Variants in OR4Q3 observed in about 807,000 individuals in gnomAD.
OR4Q3 encodes olfactory receptor family 4 subfamily Q member 3.
Under a neutral mutation model 18.8 loss-of-function variants are expected in OR4Q3, and 17 were observed. That is an observed-to-expected ratio of 0.91 (90% confidence interval 0.62 to 1.36). OR4Q3 has a LOEUF of 1.36. OR4Q3 is among the 40% of genes most tolerant of loss of function. The probability of loss-of-function intolerance (pLI) is 0.00; values close to 1 mark genes in which losing one functional copy is unlikely to be tolerated. For missense variants in OR4Q3, 378 were observed against 373.4 expected (o/e 1.01, Z -0.10); for synonymous variants, 158 against 145.8 (o/e 1.08, Z -0.60).
downstream of OR4Q3, among the ~76,000 whole-genome samples, chr14:19,749,900 TTCTTTCTTTTTTCTTTCTTTCTTTCTC>T: frequency 0.016 from 166 of 10,284 alleles, 6 homozygotes; most frequent in Admixed American, 0.14. Context: ...CTTTCTTTCT[TTCTTTCTTTTTTCTTTCTTTCTTTCTC>T]TCTCTCTTTC....
At chr14:19,747,278 C>T in intron 1 of OR4Q3, 128 bp from the exon 2 acceptor site, 1 of 439,108 alleles carries the variant, frequency 2.3e-6, no homozygotes, top group East Asian at 3.5e-5. Context: ...GAGTGTACTG[C>T]CTATATTACC....
intron 1 of OR4Q3, among the ~76,000 whole-genome samples, chr14:19,745,255 G>A: frequency 1.3e-5 from 2 of 152,092 alleles, no homozygotes; most frequent in Non-Finnish European, 2.9e-5. Context: ...AAACAAGTAG[G>A]CAATAAACTC....
chr14:19,744,381 A>T (rs4360843), intron 1 of OR4Q3, among the ~76,000 whole-genome samples: 18,634 of 149,360 alleles, frequency 0.12, 530 homozygotes, highest in South Asian at 0.23. Context: ...TAATAGCAAA[A>T]TATGGTATAC....
chr14:19,743,739 TTA>T (rs1173703111), intron 1 of OR4Q3, 68 bp downstream of exon 1: 1 of 152,296 alleles, frequency 6.6e-6, no homozygotes, highest in African/African-American at 2.4e-5. Context: ...GATGCTATTT[TTA>T]TGTTTACTGT....
chr14:19,749,143 A>T, exon 2 of OR4Q3: 1 of 152,290 alleles, frequency 6.6e-6, no homozygotes, highest in African/African-American at 2.4e-5. Context: ...TAAGAGTTTT[A>T]ACCTCTAAAG....
chr14:19,747,835 CATGAACCCCCAGCT>C lies in OR4Q3; in HGVS notation c.436_449del (p.Asn146ProfsTer32). 2,860 of 1,613,708 alleles carry C rather than the reference CATGAACCCCCAGCT, an allele frequency of 1.8e-3. 42 individuals carry two copies. In the African/African-American group the frequency reaches 0.034, roughly 19 times the overall value. On this transcript the variant is annotated frameshift_variant, in exon 2 of 2. Transcript: ENST00000642117. LOFTEE classifies it high-confidence loss of function. The stretch of plus-strand genomic sequence containing the variant: ...GTAACCCTTTGCGCTACCTTACAGT[CATGAACCCCCAGCT>C]ATGCCTTTGGTTGGTTCTTGCCTGC...
At chr14:19,745,384 T>A in intron 1 of OR4Q3, among the ~76,000 whole-genome samples, 2 of 152,202 alleles carry the variant, frequency 1.3e-5, no homozygotes, top group Non-Finnish European at 2.9e-5. Context: ...TATAATCTTT[T>A]CTTTCTCAGC....
chr14:19,746,639 C>T, intron 1 of OR4Q3, among the ~76,000 whole-genome samples: 2 of 152,174 alleles, frequency 1.3e-5, no homozygotes, highest in Non-Finnish European at 1.5e-5. Context: ...GAGACTATTG[C>T]TTCTTACCTC....
At chr14:19,748,011 TGGTAGA>T in exon 2 of OR4Q3, 1 of 1,614,062 alleles carries the variant, frequency 6.2e-7, no homozygotes, top group East Asian at 2.2e-5. Flanking sequence ...GACACCTATG[TGGTAGA>T]GGTGCTGGTG....
chr14:19,746,542 C>G, intron 1 of OR4Q3, among the ~76,000 whole-genome samples: 1 of 152,142 alleles, frequency 6.6e-6, no homozygotes, highest in South Asian at 2.1e-4. Context: ...TGGGTCATGG[C>G]TCTTGGTCTC....
exon 2 of OR4Q3, chr14:19,749,290 G>A: frequency 1.3e-5 from 2 of 152,240 alleles, no homozygotes; most frequent in Non-Finnish European, 2.9e-5. Context: ...AGAGTTAAGT[G>A]ACTTGCCCAT....
chr14:19,749,853 T>TCTTTCTTTCTTC, downstream of OR4Q3, among the ~76,000 whole-genome samples: 1 of 4,200 alleles, frequency 2.4e-4, no homozygotes, highest in African/African-American at 3.9e-4. Context: ...ATTACTTCTT[T>TCTTTCTTTCTTC]CTTTCTTTCT....
exon 2 of OR4Q3, chr14:19,748,385 G>T: frequency 6.4e-7 from 1 of 1,561,580 alleles, no homozygotes; most frequent in South Asian, 1.2e-5. Flanking sequence ...GAGCAGAAGA[G>T]GTGATTTGAA....
At chr14:19,746,409 T>C in intron 1 of OR4Q3, among the ~76,000 whole-genome samples, 1 of 152,160 alleles carries the variant, frequency 6.6e-6, no homozygotes, top group African/African-American at 2.4e-5. Flanking sequence ...TCTTAGCAAA[T>C]CTTCTTTATT....
chr14:19,748,052 C>T, exon 2 of OR4Q3: 1 of 1,614,056 alleles, frequency 6.2e-7, no homozygotes, highest in Non-Finnish European at 8.5e-7. Context: ...TCTGCTGTCT[C>T]TTGTCTGCTT....
intron 1 of OR4Q3, among the ~76,000 whole-genome samples, chr14:19,746,227 T>C: frequency 6.6e-6 from 1 of 152,124 alleles, no homozygotes; most frequent in Non-Finnish European, 1.5e-5. Flanking sequence ...ATTTTGTCTA[T>C]AGCTGGTTTT....
exon 2 of OR4Q3, chr14:19,748,955 A>C: frequency 6.5e-6 from 1 of 153,606 alleles, no homozygotes; most frequent in Non-Finnish European, 1.4e-5. Flanking sequence ...ATATGCTCTT[A>C]ACAAAGTTTA....
chr14:19,747,940 G>T lies in OR4Q3; in HGVS notation c.537G>T (p.Gly179=). 4.3e-6 allele frequency: 7 copies of T among 1,613,896 alleles called. No individual in the cohort carries two copies. In the African/African-American group the frequency reaches 6.7e-5, roughly 15 times the overall value. ...TAGTCATCCAGCTGCCTTTCTGTGG[G>T]CCCAATGAACTGGACAACTTCTACT... is the stretch of plus-strand genomic sequence containing the variant. The change falls in exon 2 of 2, where the codon GGG becomes GGT. Residue 179 remains glycine, a synonymous_variant. Coordinates refer to ENST00000642117, the Ensembl canonical transcript of OR4Q3.
exon 2 of OR4Q3, chr14:19,747,554 C>G: frequency 1.9e-6 from 3 of 1,613,706 alleles, no homozygotes; most frequent in Non-Finnish European, 2.5e-6. Flanking sequence ...CCTGGGAAAC[C>G]TCTTGATAGT....
Sources: gnomAD v4.1 joint callset for allele counts (sites outside exome capture counted in the v4.1 genomes callset) on GRCh38, gnomAD v4.1.1 for gene constraint, MANE v1.5 for transcripts, NCBI Gene and HGNC (gene_info 2026-07-23, HGNC 2026-07-21) for gene names.